The following SLC2A13 variants were observed in gnomAD, a reference collection of about 807,000 sequenced individuals.
SLC2A13 encodes the protein solute carrier family 2 member 13, also known as proton myo-inositol cotransporter.
A neutral mutation model predicts 64.4 loss-of-function variants in SLC2A13; 32 were observed. That is an observed-to-expected ratio of 0.50 (90% CI 0.37 to 0.67). SLC2A13 has a LOEUF of 0.67. SLC2A13 is among the 30% of genes least tolerant of loss of function. SLC2A13 has a pLI of 0.00. For synonymous variants in SLC2A13, 338 were observed against 327.1 expected (o/e 1.03, Z -0.36); for missense variants, 743 against 829.2 (o/e 0.90, Z 1.28).
chr12:40,089,626 G>T (rs962551772), intron 1 of SLC2A13, among the ~76,000 whole-genome samples: 1 of 152,150 alleles, frequency 6.6e-6, no homozygotes, highest in African/African-American at 2.4e-5. Flanking sequence ...CCGCCTCCCT[G>T]TATAGACTTT....
intron 4 of SLC2A13, among the ~76,000 whole-genome samples, chr12:39,947,215 G>T (rs955957604): frequency 5.3e-5 from 8 of 152,176 alleles, no homozygotes; most frequent in African/African-American, 1.4e-4. Flanking sequence ...CCCCAGAGAA[G>T]ATTCCCCCAC....
At chr12:40,014,348 G>C (rs1165696912) in intron 3 of SLC2A13, among the ~76,000 whole-genome samples, 1 of 152,112 alleles carries the variant, frequency 6.6e-6, no homozygotes, top group Non-Finnish European at 1.5e-5. Flanking sequence ...TTTTGTAAAA[G>C]AGGAAGGTTT....
chr12:40,053,249 T>C (rs1481442253), intron 1 of SLC2A13, among the ~76,000 whole-genome samples: 2 of 130,592 alleles, frequency 1.5e-5, no homozygotes, highest in East Asian at 2.3e-4. Context: ...ACCACTGCAC[T>C]ATAGCCTGGC....
chr12:39,978,516 G>C (rs542036993), intron 3 of SLC2A13, among the ~76,000 whole-genome samples: 1 of 152,190 alleles, frequency 6.6e-6, no homozygotes, highest in Non-Finnish European at 1.5e-5. Flanking sequence ...CCTGGGAAGC[G>C]CAAGGGGTCA....
At chr12:39,772,121 T>C (rs1940601780) in intron 7 of SLC2A13, among the ~76,000 whole-genome samples, 1 of 152,150 alleles carries the variant, frequency 6.6e-6, no homozygotes, top group South Asian at 2.1e-4. Flanking sequence ...TATGGTCATA[T>C]ATTAATATAC....
chr12:40,099,146 CTCTT>C (rs921573745), intron 1 of SLC2A13, among the ~76,000 whole-genome samples: 1 of 152,190 alleles, frequency 6.6e-6, no homozygotes, highest in African/African-American at 2.4e-5. Context: ...ACTTTTTTCT[CTCTT>C]TCTACAACCA....
rs148075941 is a variant in SLC2A13, at chr12:39,843,832, C to T, written c.1320-13604G>A. Among the ~76,000 whole-genome samples, 6 of 152,116 alleles carry T rather than the reference C, an allele frequency of 3.9e-5. No individual in the cohort carries two copies. In the East Asian group the frequency reaches 1.2e-3, roughly 29 times the overall value. On this transcript the variant is annotated intron_variant, in intron 6 of 9. Transcript: ENST00000280871. ...TTTTTTAATATTAGTAATGCCTATC[C>T]TATCCTGGCTGCTATACCAGCTCAA...
At chr12:39,824,629 G>T (rs544406557) in intron 7 of SLC2A13, among the ~76,000 whole-genome samples, 1 of 152,272 alleles carries the variant, frequency 6.6e-6, no homozygotes, top group Admixed American at 6.5e-5. Context: ...TCCAGGCCAG[G>T]TTGCCTCACA....
At chr12:39,989,048 C>T (rs1190421165) in intron 3 of SLC2A13, among the ~76,000 whole-genome samples, 3 of 152,176 alleles carry the variant, frequency 2.0e-5, no homozygotes, top group African/African-American at 7.2e-5. Flanking sequence ...CCAGATGAGC[C>T]TTTGTAAACC....
At chr12:39,845,750 T>C (rs986172404) in intron 6 of SLC2A13, among the ~76,000 whole-genome samples, 1 of 152,146 alleles carries the variant, frequency 6.6e-6, no homozygotes, top group African/African-American at 2.4e-5. Context: ...TAGACCCTAC[T>C]GTACTGACAA....
At chr12:39,819,099 C>T (rs912621124) in intron 7 of SLC2A13, among the ~76,000 whole-genome samples, 10 of 152,138 alleles carry the variant, frequency 6.6e-5, no homozygotes, top group African/African-American at 2.2e-4. Flanking sequence ...GTTCCTATCT[C>T]TGAGGCTTCA....
intron 7 of SLC2A13, among the ~76,000 whole-genome samples, chr12:39,787,758 T>C (rs571738589): frequency 1.3e-5 from 2 of 152,252 alleles, no homozygotes; most frequent in East Asian, 1.9e-4. Context: ...ATAAATGACA[T>C]GATGTTAGGT....
chr12:39,817,347 G>C (rs1025699402), intron 7 of SLC2A13, among the ~76,000 whole-genome samples: 4 of 146,936 alleles, frequency 2.7e-5, no homozygotes, highest in African/African-American at 7.3e-5. Flanking sequence ...CAAGTCACAG[G>C]CAAATCCACA....
At chr12:39,975,729 C>A (rs749774479) in intron 3 of SLC2A13, among the ~76,000 whole-genome samples, 4 of 152,212 alleles carry the variant, frequency 2.6e-5, no homozygotes, top group Non-Finnish European at 5.9e-5. Context: ...TCAGATGACT[C>A]ATGCACAAAA....
chr12:39,798,139 A>G (rs1051907942), intron 7 of SLC2A13, among the ~76,000 whole-genome samples: 3 of 152,208 alleles, frequency 2.0e-5, no homozygotes, highest in African/African-American at 7.2e-5. Flanking sequence ...GGAAAACTCC[A>G]CATAAAGAGA....
intron 6 of SLC2A13, among the ~76,000 whole-genome samples, chr12:39,832,800 C>G (rs1942892846): frequency 6.6e-6 from 1 of 152,094 alleles, no homozygotes; most frequent in African/African-American, 2.4e-5. Flanking sequence ...CTCTATCATT[C>G]CATTATACCC....
intron 7 of SLC2A13, among the ~76,000 whole-genome samples, chr12:39,811,495 ATATGT>A (rs1376924229): frequency 6.6e-6 from 1 of 152,060 alleles, no homozygotes; most frequent in African/African-American, 2.4e-5. Flanking sequence ...GACGTTCTTG[ATATGT>A]TATAATTTCA....
intron 4 of SLC2A13, among the ~76,000 whole-genome samples, chr12:39,912,990 AATG>A (rs1352594769): frequency 6.6e-6 from 1 of 152,148 alleles, no homozygotes; most frequent in African/African-American, 2.4e-5. Flanking sequence ...TATATCACAT[AATG>A]ATGAGTCCTC....
chr12:39,995,139 T>C (rs1318781701), intron 3 of SLC2A13, among the ~76,000 whole-genome samples: 1 of 152,190 alleles, frequency 6.6e-6, no homozygotes, highest in Non-Finnish European at 1.5e-5. Context: ...CAGGTCTCTT[T>C]TTTAAAAAGA....
Sources: gnomAD v4.1 joint callset for allele counts (sites outside exome capture counted in the v4.1 genomes callset) on GRCh38, gnomAD v4.1.1 for gene constraint, MANE v1.5 for transcripts, NCBI Gene and HGNC (gene_info 2026-07-23, HGNC 2026-07-21) for gene names.